LRP1B: variants seen among roughly 807,000 people sequenced by gnomAD.
The protein encoded by LRP1B is low-density lipoprotein receptor-related protein 1B.
A neutral mutation model predicts 556.6 loss-of-function variants in LRP1B; 217 were observed. The ratio of observed to expected loss-of-function variants is 0.39; its 90% CI spans 0.35 to 0.44. The LOEUF is 0.44. Ranked by LOEUF, LRP1B falls within the 20% of genes least tolerant of loss-of-function variation. The probability of loss-of-function intolerance (pLI) is 1.00; values close to 1 mark genes in which losing one functional copy is unlikely to be tolerated. For synonymous variants in LRP1B, 2,047 were observed against 1,865.8 expected, an observed-to-expected ratio of 1.10 and a Z score of -2.50; for missense variants, 5,053 against 5,620.8, an observed-to-expected ratio of 0.90 and a Z score of 3.23.
intron 2 of LRP1B, among the ~76,000 whole-genome samples, chr2:141,756,375 A>G (rs957783089): frequency 6.6e-6 from 1 of 152,134 alleles, no homozygotes; most frequent in Non-Finnish European, 1.5e-5. Context: ...CAATTGAAAA[A>G]TATATTGAAT....
chr2:140,515,035 C>G (rs1219091732), intron 50 of LRP1B, among the ~76,000 whole-genome samples: 3 of 151,956 alleles, frequency 2.0e-5, no homozygotes, highest in African/African-American at 7.2e-5. Context: ...TGCGGTCACT[C>G]TACTCCAGGT....
chr2:140,508,772 G>A (rs142335076), intron 52 of LRP1B, among the ~76,000 whole-genome samples: 3 of 152,066 alleles, frequency 2.0e-5, no homozygotes, highest in Admixed American at 6.6e-5. Context: ...GCATTTTAAC[G>A]GAATGTACTT....
chr2:141,533,664 G>A (rs946007140), intron 2 of LRP1B, among the ~76,000 whole-genome samples: 4 of 152,046 alleles, frequency 2.6e-5, no homozygotes, highest in South Asian at 4.1e-4. Flanking sequence ...AATGGCTACC[G>A]CTAAATGACT....
At position 141,855,017 on chromosome 2, in the gene LRP1B, G is replaced by A. The variant is rs115136974; in HGVS notation, c.83-44616C>T. Among the ~76,000 whole-genome samples the A allele has an allele frequency of 7.8e-3, 1,186 of 152,144 alleles. 21 individuals are homozygous for A. Among genetic ancestry groups the A allele is most frequent in the African/African-American group, 0.027 (1,126 of 41,516 alleles). ...TATAACAGATTAAGGATGGATTTCAGTTCAGTGGCAGAAGAAAAAAATGAA... is the reference window on the plus strand; with the variant it reads ...TATAACAGATTAAGGATGGATTTCAATTCAGTGGCAGAAGAAAAAAATGAA... On this transcript the variant is annotated intron_variant, in intron 1 of 90. Transcript: ENST00000389484.
intron 1 of LRP1B, among the ~76,000 whole-genome samples, chr2:142,086,636 C>CA (rs1320332486): frequency 9.1e-4 from 44 of 48,172 alleles, no homozygotes; most frequent in South Asian, 7.8e-3. Flanking sequence ...AACAAACAAA[C>CA]AAACAAAAAA....
intron 20 of LRP1B, among the ~76,000 whole-genome samples, chr2:140,939,698 AAGAACAATGACAATAAACC>A (rs1420652120): frequency 2.6e-5 from 4 of 151,514 alleles, no homozygotes; most frequent in South Asian, 2.1e-4. Context: ...GAAGGTATTA[AAGAACAATGACAATAAACC>A]AGAACAATGA....
chr2:141,061,185 C>A (rs1558833241), intron 8 of LRP1B, among the ~76,000 whole-genome samples: 2 of 151,606 alleles, frequency 1.3e-5, no homozygotes, highest in Admixed American at 1.3e-4. Context: ...TTCCCCCACT[C>A]CAACCCCACC....
At chr2:140,423,028 G>A (rs1238168393) in intron 66 of LRP1B, among the ~76,000 whole-genome samples, 4 of 152,228 alleles carry the variant, frequency 2.6e-5, no homozygotes, top group Admixed American at 1.3e-4. Flanking sequence ...AAACCAAGTC[G>A]ATGAATAATT....
At chr2:140,447,888 C>T (rs1257873736) in intron 63 of LRP1B, among the ~76,000 whole-genome samples, 2 of 151,596 alleles carry the variant, frequency 1.3e-5, no homozygotes, top group Non-Finnish European at 2.9e-5. Flanking sequence ...AAAAGGAGGC[C>T]CAAGGACAGG....
intron 1 of LRP1B, among the ~76,000 whole-genome samples, chr2:142,043,828 AC>A (rs989658990): frequency 1.3e-5 from 2 of 151,678 alleles, no homozygotes; most frequent in African/African-American, 4.8e-5. Flanking sequence ...GTCATATTTT[AC>A]CCTTCAACCA....
rs1239219345 is a variant in LRP1B, at chr2:140,968,511, T to TG, written c.2887+13648_2887+13649insC. Among the ~76,000 whole-genome samples the TG allele has an allele frequency of 7.1e-5, 7 of 99,192 alleles. No homozygotes were observed. In the South Asian group the frequency reaches 1.2e-3, roughly 17 times the overall value. 65.1% of individuals were successfully genotyped at this position (99,192 alleles called of 152,430 possible). ...TTGATTGATTTTTTGCAGTTTTTTT[T>TG]TTTGTGTCTCTATCTCCTTCAATTC... On this transcript the variant is annotated intron_variant, in intron 18 of 90. Coordinates refer to ENST00000389484, the MANE Select transcript of LRP1B (RefSeq NM_018557.3).
At chr2:141,031,934 C>A (rs1187940436) in intron 11 of LRP1B, among the ~76,000 whole-genome samples, 3 of 151,272 alleles carry the variant, frequency 2.0e-5, no homozygotes, top group African/African-American at 2.4e-5. Flanking sequence ...AAAAAAAAAA[C>A]TTGTATTTAC....
At chr2:140,839,434 C>G (rs1380937986) in intron 31 of LRP1B, among the ~76,000 whole-genome samples, 1 of 152,142 alleles carries the variant, frequency 6.6e-6, no homozygotes, top group East Asian at 1.9e-4. Context: ...GACCCACCCT[C>G]AATCTGGGTG....
intron 67 of LRP1B, among the ~76,000 whole-genome samples, chr2:140,380,883 C>T (rs1021569183): frequency 6.6e-6 from 1 of 152,104 alleles, no homozygotes; most frequent in Non-Finnish European, 1.5e-5. Flanking sequence ...AGACTTTGTC[C>T]TAACATTATT....
At chr2:140,648,735 G>A (rs1684572120) in intron 41 of LRP1B, among the ~76,000 whole-genome samples, 1 of 152,154 alleles carries the variant, frequency 6.6e-6, no homozygotes, top group Admixed American at 6.5e-5. Context: ...CAAGTCTCAA[G>A]AACTGCACAG....
intron 2 of LRP1B, among the ~76,000 whole-genome samples, chr2:141,791,168 A>G (rs887475514): frequency 1.3e-5 from 2 of 152,042 alleles, no homozygotes; most frequent in East Asian, 1.9e-4. Context: ...CAAGCAATAA[A>G]GTGTCTTAAA....
At chr2:141,554,631 T>C (rs1685894528) in intron 2 of LRP1B, among the ~76,000 whole-genome samples, 2 of 151,952 alleles carry the variant, frequency 1.3e-5, no homozygotes, top group African/African-American at 4.8e-5. Context: ...ATACCTTACT[T>C]ATGGATTTTA....
In LRP1B at chr2:141,998,704, T is replaced by C. The variant is rs74719845; in HGVS notation, c.82+131944A>G. Among the ~76,000 whole-genome samples the C allele has an allele frequency of 2.2e-3, 332 of 152,296 alleles. 2 individuals carry two copies. Among genetic ancestry groups the C allele is most frequent in the African/African-American group, 7.3e-3 (305 of 41,576 alleles). ...TAAGACAATCAATACACATAAAATA[T>C]ACATAGATTCGGTCTGAAAGGTGGG... On this transcript the variant is annotated intron_variant, in intron 1 of 90. Coordinates refer to ENST00000389484, the MANE Select transcript of LRP1B (RefSeq NM_018557.3).
At chr2:140,550,830 T>G (rs574573955) in intron 43 of LRP1B, among the ~76,000 whole-genome samples, 2 of 152,298 alleles carry the variant, frequency 1.3e-5, no homozygotes, top group South Asian at 4.1e-4. Flanking sequence ...ACTGAGTGTT[T>G]GTGTCCCCTT....
Sources: gnomAD v4.1 joint callset for allele counts (sites outside exome capture counted in the v4.1 genomes callset) on GRCh38, gnomAD v4.1.1 for gene constraint, MANE v1.5 for transcripts, NCBI Gene and HGNC (gene_info 2026-07-23, HGNC 2026-07-21) for gene names.